ARMC2: variants seen among roughly 807,000 people sequenced by gnomAD.
ARMC2 encodes the protein armadillo repeat-containing protein 2.
A neutral mutation model predicts 90.3 loss-of-function variants in ARMC2; 67 were observed. That is an observed-to-expected ratio of 0.74 (90% CI 0.61 to 0.91). The LOEUF is 0.91. Among genes scored for constraint, ARMC2 ranks in the 40% least tolerant of loss-of-function variants. The pLI, the probability that ARMC2 is intolerant of heterozygous loss-of-function variation, is 0.00. For missense variants in ARMC2, 920 were observed against 1,030.9 expected (o/e 0.89, Z 1.47); for synonymous variants, 393 against 393.0 (o/e 1.00, Z 0.00).
the ARMC2 span, among the ~76,000 whole-genome samples, chr6:109,043,027 A>G: frequency 6.6e-6 from 1 of 152,164 alleles, no homozygotes; most frequent in African/African-American, 2.4e-5. Context: ...CCAGGAATGC[A>G]TGGCTGGTTC....
the ARMC2 span, chr6:109,001,586 G>A: frequency 1.3e-4 from 139 of 1,062,624 alleles, 2 homozygotes; most frequent in South Asian, 2.1e-3. Flanking sequence ...TTTAGAAGCA[G>A]ATTAAATCTG....
the ARMC2 span, chr6:108,987,707 A>ACAT: frequency 6.5e-6 from 5 of 770,206 alleles, no homozygotes; most frequent in Non-Finnish European, 1.1e-5. Flanking sequence ...TCTAATGAAC[A>ACAT]CATAAAATAA....
At chr6:108,964,945 C>G in intron 16 of ARMC2, 35 bp from the exon 17 acceptor site, 2 of 1,508,076 alleles carry the variant, frequency 1.3e-6, no homozygotes, top group Non-Finnish European at 1.8e-6. Context: ...AGATTCTGAC[C>G]TAATAACTTC....
At position 108,881,343 on chromosome 6, in the gene ARMC2, G is replaced by A. The variant is rs1412093243; in HGVS notation, c.671+4993G>A. 7.8e-5 allele frequency among the ~76,000 whole-genome samples: 3 copies of A among 38,234 alleles called. No individual in the cohort carries two copies. In the East Asian group the frequency reaches 2.3e-3, roughly 29 times the overall value. The allele number at this position is 38,234 out of a possible 152,430, so 25.1% of individuals were successfully genotyped here. A position where few individuals can be genotyped will look rare whatever the true frequency, so the allele number is the denominator to read the frequency against. On this transcript the variant is annotated intron_variant, in intron 5 of 17. Coordinates refer to ENST00000392644, the MANE Select transcript of ARMC2 (RefSeq NM_032131.6). ...ACTCCTTCCTTCCTTCCTTCCAACA[G>A]GGACGGTTTATGGTACTTTAGATTA...
At chr6:108,944,465 G>A (rs1776660602) in intron 12 of ARMC2, among the ~76,000 whole-genome samples, 1 of 152,192 alleles carries the variant, frequency 6.6e-6, no homozygotes. Context: ...GGCCAGAGTG[G>A]CTCCCTCAGG....
chr6:109,026,965 G>A, the ARMC2 span, among the ~76,000 whole-genome samples: 3 of 151,700 alleles, frequency 2.0e-5, no homozygotes, highest in Non-Finnish European at 4.4e-5. Context: ...AGGCCTGGAG[G>A]TCAAGACCAG....
chr6:109,025,959 T>C, the ARMC2 span, among the ~76,000 whole-genome samples: 1 of 151,828 alleles, frequency 6.6e-6, no homozygotes, highest in Non-Finnish European at 1.5e-5. Flanking sequence ...CTCTTTTTTT[T>C]TTTCAGGAAG....
downstream of ARMC2, among the ~76,000 whole-genome samples, chr6:108,977,835 G>A (rs976775906): frequency 8.6e-5 from 13 of 151,988 alleles, no homozygotes; most frequent in African/African-American, 2.9e-4. Flanking sequence ...CTGTAGGATC[G>A]GTGGTGATAT....
the ARMC2 span, among the ~76,000 whole-genome samples, chr6:108,981,255 A>G: frequency 6.6e-6 from 1 of 152,112 alleles, no homozygotes; most frequent in Non-Finnish European, 1.5e-5. Flanking sequence ...ATTCTCTTCC[A>G]TACTTAGCTG....
At chr6:109,023,746 A>G in the ARMC2 span, among the ~76,000 whole-genome samples, 10 of 152,348 alleles carry the variant, frequency 6.6e-5, no homozygotes, top group East Asian at 1.9e-3. Context: ...CTAACAAAAT[A>G]AAATGAGTAA....
chr6:108,868,855 A>G lies in ARMC2; in HGVS notation c.323A>G (p.Glu108Gly). ...AAAGTTCCAGCATCTCCCACCAGAG[A>G]GGAGGATTCCTGCTTTTCCTTTCCT... is the stretch of plus-strand genomic sequence containing the variant. Reference protein sequence around the residue: ...KPKVPASPTREEDSCFSFPKP... With the variant: ...KPKVPASPTRGEDSCFSFPKP... Residue 108 changes from glutamate to glycine, a missense_variant, in exon 4 of 18, where the codon GAG becomes GGG. Transcript: ENST00000392644. The G allele has an allele frequency of 6.2e-7, 1 of 1,613,742 alleles. No homozygotes were observed. The highest frequency in any genetic ancestry group is 8.5e-7 in the Non-Finnish European group (1 of 1,179,776).
intron 3 of ARMC2, among the ~76,000 whole-genome samples, chr6:108,867,573 TCTGA>T (rs1435584996): frequency 6.6e-6 from 1 of 151,804 alleles, no homozygotes; most frequent in Non-Finnish European, 1.5e-5. Flanking sequence ...TCGCGACCAG[TCTGA>T]CTAACAGGGT....
intron 12 of ARMC2, among the ~76,000 whole-genome samples, chr6:108,943,089 A>G (rs1444685306): frequency 6.6e-6 from 1 of 152,162 alleles, no homozygotes; most frequent in African/African-American, 2.4e-5. Context: ...TGCTGTTGGA[A>G]GAAGTAGAAT....
At chr6:108,990,222 G>A in the ARMC2 span, among the ~76,000 whole-genome samples, 5 of 151,944 alleles carry the variant, frequency 3.3e-5, no homozygotes, top group Non-Finnish European at 5.9e-5. Context: ...CGTATTATGA[G>A]AGCAAGTACT....
At position 108,964,748 on chromosome 6, in the gene ARMC2, C is replaced by T. The variant is rs148280474; in HGVS notation, c.2286-232C>T. ...GAGGTTGCGGTGAGCCGAGATCGCGCGACTGCACTTCAGCCTGGGCAACAG... is the reference window on the plus strand; with the variant it reads ...GAGGTTGCGGTGAGCCGAGATCGCGTGACTGCACTTCAGCCTGGGCAACAG... On this transcript the variant is annotated intron_variant, in intron 16 of 17. Coordinates refer to ENST00000392644, the MANE Select transcript of ARMC2 (RefSeq NM_032131.6). Among the ~76,000 whole-genome samples, 1,197 of 151,434 alleles carry T rather than the reference C, an allele frequency of 7.9e-3. 20 individuals are homozygous for T. Among genetic ancestry groups the T allele is most frequent in the African/African-American group, 0.028 (1,145 of 41,218 alleles).
At chr6:108,935,623 A>C (rs1775895858) in intron 11 of ARMC2, among the ~76,000 whole-genome samples, 1 of 151,896 alleles carries the variant, frequency 6.6e-6, no homozygotes, top group Non-Finnish European at 1.5e-5. Context: ...TGTATTTTTT[A>C]GTAGAGACGG....
chr6:108,973,285 C>A (rs2128522179), intron 17 of ARMC2, 72 bp from the exon 18 acceptor site: 2 of 1,332,668 alleles, frequency 1.5e-6, no homozygotes, highest in Non-Finnish European at 1.0e-6. Context: ...TAACTCATAT[C>A]ATCAAAATTA....
intron 10 of ARMC2, among the ~76,000 whole-genome samples, chr6:108,921,858 G>T (rs1265597793): frequency 6.6e-6 from 1 of 152,220 alleles, no homozygotes; most frequent in Non-Finnish European, 1.5e-5. Context: ...AAGCTCGAGG[G>T]ATTTCAGTTG....
At chr6:108,970,493 T>TC (rs1778687565) in intron 17 of ARMC2, among the ~76,000 whole-genome samples, 1 of 124,588 alleles carries the variant, frequency 8.0e-6, no homozygotes, top group Non-Finnish European at 1.8e-5. Flanking sequence ...TCTTCTCTTT[T>TC]CTTTTTTTTT....
Sources: allele counts gnomAD v4.1 joint callset (sites outside exome capture counted in the v4.1 genomes callset), GRCh38; gene constraint gnomAD v4.1.1; transcripts MANE v1.5; gene names NCBI Gene and HGNC (gene_info 2026-07-23, HGNC 2026-07-21).